Variants in PLEKHB1 observed in about 807,000 individuals in gnomAD.
PLEKHB1 encodes the protein pleckstrin homology domain-containing family B member 1.
A neutral mutation model predicts 36.2 loss-of-function variants in PLEKHB1; 29 were observed. That is an observed-to-expected ratio of 0.80 (90% CI 0.60 to 1.09). PLEKHB1 has a LOEUF of 1.09. Ranked by LOEUF, PLEKHB1 falls within the 50% of genes least tolerant of loss-of-function variation. PLEKHB1 has a pLI of 0.00. For synonymous variants in PLEKHB1, 138 were observed against 140.0 expected, an observed-to-expected ratio of 0.99 and a Z score of 0.10; for missense variants, 330 against 348.2, an observed-to-expected ratio of 0.95 and a Z score of 0.42.
chr11:73,648,741 A>C, intron 1 of PLEKHB1: 5 of 1,216,578 alleles, frequency 4.1e-6, no homozygotes, highest in Non-Finnish European at 2.1e-6. Context: ...GGGAGGAGGG[A>C]TATGGCCAAA....
At chr11:73,651,716 C>T in intron 3 of PLEKHB1, 72 bp from the exon 4 acceptor site, 1 of 1,236,880 alleles carries the variant, frequency 8.1e-7, no homozygotes, top group African/African-American at 1.5e-5. Context: ...AATTCCTATT[C>T]CTGTCCCTGC....
chr11:73,655,876 G>A lies in PLEKHB1; in HGVS notation c.464G>A (p.Trp155Ter). The A allele has an allele frequency of 6.2e-7, 1 of 1,613,768 alleles. No individual in the cohort carries two copies. The highest frequency in any genetic ancestry group is 8.5e-7 in the Non-Finnish European group (1 of 1,179,854). ...AAGGTCAGGTGTGTGACCCGCTCGT[G>A]GAGCCCCTGTAAGGTTGAGAGGCGG... ...CSKVRCVTRS[W>*]SPCKVERRIW... Residue 155 changes from tryptophan (W) to a stop codon, truncating the protein, a stop_gained, in exon 6 of 8, where the codon TGG becomes TAG. Transcript: ENST00000354190. LOFTEE classifies it high-confidence loss of function.
Position 73,661,656 on chromosome 11 carries a change from C to T in PLEKHB1, c.*54C>T. The T allele has an allele frequency of 6.6e-7, 1 of 1,518,440 alleles. No individual in the cohort carries two copies. Among genetic ancestry groups the T allele is most frequent in the Non-Finnish European group, 8.8e-7 (1 of 1,138,338 alleles). The allele number at this position is 1,518,440 out of a possible 1,614,324, so 94.1% of individuals were successfully genotyped here. The stretch of plus-strand genomic sequence containing the variant: ...CGCTTGGATTGCTAGACTCCTCTTC[C>T]TCCTGGACCCCATCCTCTACCATCC... On this transcript the variant is annotated 3_prime_UTR_variant, in exon 8 of 8. Coordinates refer to ENST00000354190, the MANE Select transcript of PLEKHB1 (RefSeq NM_021200.3). The surrounding 1 kb of genome is among the most constrained non-coding windows in gnomAD (Gnocchi z 4.6).
At position 73,661,456 on chromosome 11, in the gene PLEKHB1, C is replaced by A; in HGVS notation, c.596-10C>A. The A allele has an allele frequency of 6.2e-7, 1 of 1,613,762 alleles. No individual in the cohort carries two copies. The highest frequency in any genetic ancestry group is 8.5e-7 in the Non-Finnish European group (1 of 1,179,714). ...AGTCGCTGATCCTCATGGGCTGTCT[C>A]CCTCTGCAGGCCCTGGCGTGACGCA... On this transcript the variant is annotated splice_polypyrimidine_tract_variant and intron_variant, in intron 7 of 7. Transcript: ENST00000354190. The surrounding 1 kb of genome is among the most constrained non-coding windows in gnomAD (Gnocchi z 4.6).
At chr11:73,647,337 A>G (rs1292976779) in intron 1 of PLEKHB1, 1 of 156,658 alleles carries the variant, frequency 6.4e-6, no homozygotes, top group Non-Finnish European at 1.4e-5. Context: ...AAAAACATGC[A>G]AAACTAGGAG....
intron 6 of PLEKHB1, among the ~76,000 whole-genome samples, chr11:73,657,345 A>G (rs1945014937): frequency 6.6e-6 from 1 of 152,164 alleles, no homozygotes. Flanking sequence ...TCCATGCCCA[A>G]ACTAGGATGC....
At position 73,662,187 on chromosome 11, in the gene PLEKHB1, G is replaced by A. The variant is rs1590806691; in HGVS notation, c.*585G>A. On this transcript the variant is annotated 3_prime_UTR_variant, in exon 8 of 8. Coordinates refer to ENST00000354190, the MANE Select transcript of PLEKHB1 (RefSeq NM_021200.3). ...CTGGGGTGGAGGCTGGGATCAGACC[G>A]TGGTGGGCCTTCAAGCTAAGGAGCT... 1 of 152,590 alleles carries A rather than the reference G, an allele frequency of 6.6e-6. No homozygotes were observed. The highest frequency in any genetic ancestry group is 6.5e-5 in the Admixed American group (1 of 15,304). 9.5% of individuals were successfully genotyped at this position (152,590 alleles called of 1,614,324 possible).
chr11:73,659,012 T>A (rs1481523541), intron 6 of PLEKHB1, among the ~76,000 whole-genome samples: 3 of 152,054 alleles, frequency 2.0e-5, no homozygotes, highest in Non-Finnish European at 4.4e-5. Context: ...TCACCTGAGG[T>A]CAGGAGTTCA....
chr11:73,649,746 A>G (rs962030226), intron 2 of PLEKHB1, among the ~76,000 whole-genome samples: 1 of 152,144 alleles, frequency 6.6e-6, no homozygotes, highest in Non-Finnish European at 1.5e-5. Flanking sequence ...CCCCTGGGAC[A>G]AGCAGCCCCA....
intron 2 of PLEKHB1, 62 bp from the exon 3 acceptor site, chr11:73,650,491 G>C: frequency 6.6e-7 from 1 of 1,515,068 alleles, no homozygotes; most frequent in Middle Eastern, 1.8e-4. Flanking sequence ...AGTCTGTCTG[G>C]GGCTTCTATT....
intron 6 of PLEKHB1, 31 bp from the exon 7 acceptor site, chr11:73,660,722 C>T (rs1317427265): frequency 6.4e-7 from 1 of 1,558,890 alleles, no homozygotes; most frequent in Non-Finnish European, 8.7e-7. Context: ...CCAGGGAGTT[C>T]CTGGGCACCT....
chr11:73,652,811 C>A, intron 4 of PLEKHB1, 164 bp from the exon 5 acceptor site: 1 of 572,356 alleles, frequency 1.7e-6, no homozygotes, highest in Non-Finnish European at 3.1e-6. Context: ...GTGACTGGGG[C>A]AGGGGAGGGG....
chr11:73,649,728 C>G (rs1455859991), intron 2 of PLEKHB1, among the ~76,000 whole-genome samples: 32 of 152,190 alleles, frequency 2.1e-4, no homozygotes, highest in Admixed American at 2.1e-3. Flanking sequence ...CAAGAGCTAT[C>G]CTGGGGACCC....
chr11:73,646,634 A>C lies in PLEKHB1; in HGVS notation c.18+8A>C. The C allele has an allele frequency of 1.3e-6, 2 of 1,551,510 alleles. No homozygotes were observed. The highest frequency in any genetic ancestry group is 1.2e-5 in the South Asian group (1 of 84,066). ...ATGAGCCCTGCAGCCCCGGTAAGGA[A>C]GAGTTCTCTGGGACAGGAGGAAGGG... On this transcript the variant is annotated splice_region_variant and intron_variant, in intron 1 of 7. Transcript: ENST00000354190.
chr11:73,656,371 C>A (rs56321536), intron 6 of PLEKHB1, among the ~76,000 whole-genome samples: 1 of 152,244 alleles, frequency 6.6e-6, no homozygotes, highest in Non-Finnish European at 1.5e-5. Context: ...GGCCTGATTG[C>A]GCTGCCTCTA....
chr11:73,658,294 TGC>T (rs748704087), intron 6 of PLEKHB1, among the ~76,000 whole-genome samples: 63 of 152,292 alleles, frequency 4.1e-4, no homozygotes, highest in Non-Finnish European at 7.2e-4. Flanking sequence ...TCACAAGGTG[TGC>T]TTGGAGACCT....
intron 5 of PLEKHB1, chr11:73,653,432 A>G (rs904837361): frequency 2.1e-6 from 1 of 468,928 alleles, no homozygotes; most frequent in Non-Finnish European, 4.2e-6. Context: ...ACTATGGGCC[A>G]GGTGGTGTGC....
At chr11:73,651,689 CAG>C in intron 3 of PLEKHB1, 97 bp from the exon 4 acceptor site, 1 of 932,816 alleles carries the variant, frequency 1.1e-6, no homozygotes. Context: ...GGCCAGTAAA[CAG>C]AGCCCAGAGA....
At chr11:73,646,665 G>A (rs3741144) in intron 1 of PLEKHB1, 39 bp downstream of exon 1, 166,906 of 1,549,932 alleles carry the variant, frequency 0.11, 10,321 homozygotes, top group Admixed American at 0.17. Context: ...AAGGGCCCAG[G>A]GCAGGGTGGG....
Sources: allele counts gnomAD v4.1 joint callset (sites outside exome capture counted in the v4.1 genomes callset), GRCh38; gene constraint gnomAD v4.1.1; non-coding constraint Gnocchi (gnomAD v3.1); transcripts MANE v1.5; gene names NCBI Gene and HGNC (gene_info 2026-07-23, HGNC 2026-07-21).